MAP3K7CL: variants seen among roughly 807,000 people sequenced by gnomAD.
The protein encoded by MAP3K7CL is MAP3K7 C-terminal-like protein.
Under a neutral mutation model 18.6 loss-of-function variants are expected in MAP3K7CL, and 16 were observed. The ratio of observed to expected loss-of-function variants is 0.86; its 90% CI spans 0.58 to 1.31. The LOEUF (loss-of-function observed/expected upper bound fraction) is 1.31, where lower values mean the gene tolerates loss of function less well. MAP3K7CL is among the 50% of genes most tolerant of loss of function. The pLI is 0.00. For missense variants in MAP3K7CL, 163 were observed against 174.4 expected (o/e 0.93, Z 0.37); for synonymous variants, 65 against 66.8 (o/e 0.97, Z 0.13).
At chr21:29,172,847 C>G (rs2087875859) in intron 4 of MAP3K7CL, among the ~76,000 whole-genome samples, 1 of 127,344 alleles carries the variant, frequency 7.9e-6, no homozygotes, top group Non-Finnish European at 1.6e-5. Flanking sequence ...CCCCCCTCCC[C>G]CCGCCCCTTG....
intron 4 of MAP3K7CL, chr21:29,109,806 G>A: frequency 1.0e-6 from 1 of 985,016 alleles, no homozygotes; most frequent in Non-Finnish European, 1.2e-6. Context: ...ACGTTCTGCT[G>A]CTGCTTCTTA....
chr21:29,142,387 T>C (rs955254415), intron 2 of MAP3K7CL, among the ~76,000 whole-genome samples: 9 of 152,182 alleles, frequency 5.9e-5, no homozygotes, highest in Non-Finnish European at 1.2e-4. Flanking sequence ...TAAATTCAGA[T>C]TTAAATGAAG....
At chr21:29,169,227 G>T (rs896328297) in intron 4 of MAP3K7CL, among the ~76,000 whole-genome samples, 5 of 152,220 alleles carry the variant, frequency 3.3e-5, no homozygotes, top group Non-Finnish European at 7.3e-5. Context: ...TTTGGAGCAA[G>T]TCTGACTTCC....
At chr21:29,126,381 A>AGGCAGAGATGAGTAGTTGT (rs2086681461), upstream of MAP3K7CL, among the ~76,000 whole-genome samples, 1 of 152,244 alleles carries the variant, frequency 6.6e-6, no homozygotes, top group South Asian at 2.1e-4. Flanking sequence ...TATGCTACAG[A>AGGCAGAGATGAGTAGTTGT]GGCAGAGATG....
intron 3 of MAP3K7CL, among the ~76,000 whole-genome samples, chr21:29,091,962 G>T (rs1313285920): frequency 6.6e-6 from 1 of 152,180 alleles, no homozygotes. Context: ...CATGGGGAGG[G>T]CTAGGGGAGT....
intron 2 of MAP3K7CL, among the ~76,000 whole-genome samples, chr21:29,147,278 G>C (rs1233644565): frequency 1.3e-5 from 2 of 151,816 alleles, no homozygotes; most frequent in Non-Finnish European, 2.9e-5. Flanking sequence ...ATGTATAAGT[G>C]TACTGCATAT....
chr21:29,146,247 G>C (rs1285452114), intron 2 of MAP3K7CL, among the ~76,000 whole-genome samples: 1 of 152,068 alleles, frequency 6.6e-6, no homozygotes, highest in African/African-American at 2.4e-5. Context: ...TGATTATTAG[G>C]GTTGGGATGC....
upstream of MAP3K7CL, among the ~76,000 whole-genome samples, chr21:29,125,905 A>G (rs1347272984): frequency 6.6e-6 from 1 of 152,196 alleles, no homozygotes; most frequent in Non-Finnish European, 1.5e-5. Flanking sequence ...CTGCACATGC[A>G]GTCTCATGAA....
At chr21:29,172,192 A>C (rs2087850698) in intron 4 of MAP3K7CL, among the ~76,000 whole-genome samples, 1 of 120,004 alleles carries the variant, frequency 8.3e-6, no homozygotes, top group Admixed American at 8.1e-5. Context: ...GTTCTTCAAA[A>C]CTATTTTTTT....
chr21:29,169,429 G>A lies in MAP3K7CL; in HGVS notation c.249-5283G>A, dbSNP rs139218395. On this transcript the variant is annotated intron_variant, in intron 4 of 4. Coordinates refer to ENST00000399928, the MANE Select transcript of MAP3K7CL (RefSeq NM_001286620.2). ...TTGACATCCTTTCTGTCATCTTGAG[G>A]CATTGACTCCTTCTGTCCTGCGTAT... 3.2e-3 allele frequency among the ~76,000 whole-genome samples: 490 copies of A among 152,202 alleles called. 2 individuals are homozygous for A. Among genetic ancestry groups the A allele is most frequent in the Non-Finnish European group, 5.5e-3 (371 of 68,018 alleles).
At chr21:29,109,366 G>C in intron 4 of MAP3K7CL, 1 of 1,361,150 alleles carries the variant, frequency 7.3e-7, no homozygotes, top group Non-Finnish European at 9.4e-7. Flanking sequence ...TAGAAAGATA[G>C]ATCAACTCCT....
chr21:29,111,915 T>C (rs899252817), intron 4 of MAP3K7CL, among the ~76,000 whole-genome samples: 1 of 152,204 alleles, frequency 6.6e-6, no homozygotes, highest in Admixed American at 6.5e-5. Context: ...CCAGCTCTCA[T>C]TCTTATGTCT....
chr21:29,080,836 G>C (rs1260826978), intron 1 of MAP3K7CL: 2 of 151,304 alleles, frequency 1.3e-5, no homozygotes, highest in African/African-American at 4.9e-5. Flanking sequence ...AGTGGTTTTT[G>C]TTTCCTGCAT....
chr21:29,115,471 A>G, intron 4 of MAP3K7CL, among the ~76,000 whole-genome samples: 1 of 152,226 alleles, frequency 6.6e-6, no homozygotes, highest in Admixed American at 6.5e-5. Flanking sequence ...ACTTAGCTAT[A>G]AAGGCCTCCA....
At chr21:29,109,067 T>C in intron 4 of MAP3K7CL, 1 of 1,534,904 alleles carries the variant, frequency 6.5e-7, no homozygotes, top group Non-Finnish European at 8.7e-7. Context: ...TCCTGGATCC[T>C]ATCAGAGAAA....
chr21:29,082,136 A>G (rs1888439), upstream of MAP3K7CL, among the ~76,000 whole-genome samples: 57,740 of 152,068 alleles, frequency 0.38, 12,251 homozygotes, highest in South Asian at 0.52. Context: ...CCCTCTTTCC[A>G]CTGAGAGTAA....
chr21:29,130,883 T>C lies in MAP3K7CL; in HGVS notation c.-80T>C, dbSNP rs887089469. ...GGCAACGACTGGCCAAGGCAGTGGCTGGCTCTGGGTTACACAAGTGCAGAC... is the reference window on the plus strand; with the variant it reads ...GGCAACGACTGGCCAAGGCAGTGGCCGGCTCTGGGTTACACAAGTGCAGAC... On this transcript the variant is annotated 5_prime_UTR_variant, in exon 1 of 5. Transcript: ENST00000399928. 5.1e-6 allele frequency: 5 copies of C among 985,566 alleles called. No individual in the cohort carries two copies. The highest frequency in any genetic ancestry group is 6.0e-6 in the Non-Finnish European group (5 of 830,000). 61.1% of individuals were successfully genotyped at this position (985,566 alleles called of 1,614,324 possible).
chr21:29,099,261 A>ATTTTTTTTTTTTTTTTTTTTTTTTTT (rs968362985), intron 4 of MAP3K7CL, among the ~76,000 whole-genome samples: 1 of 83,028 alleles, frequency 1.2e-5, no homozygotes, highest in Non-Finnish European at 2.2e-5. Context: ...CAGCTAATTG[A>ATTTTTTTTTTTTTTTTTTTTTTTTTT]TTTTTTTTTT....
intron 2 of MAP3K7CL, among the ~76,000 whole-genome samples, chr21:29,141,577 C>A (rs1177411309): frequency 6.6e-6 from 1 of 151,178 alleles, no homozygotes; most frequent in Non-Finnish European, 1.5e-5. Flanking sequence ...TTTTGCATAG[C>A]AAAACCAGTC....
Sources: allele counts gnomAD v4.1 joint callset (sites outside exome capture counted in the v4.1 genomes callset), GRCh38; gene constraint gnomAD v4.1.1; transcripts MANE v1.5; gene names NCBI Gene and HGNC (gene_info 2026-07-23, HGNC 2026-07-21).